ZRANB3: variants seen among roughly 807,000 people sequenced by gnomAD.
The protein encoded by ZRANB3 is DNA annealing helicase and endonuclease ZRANB3.
In ZRANB3, 125 loss-of-function variants were observed where a neutral mutation model predicts 133.8. The observed-to-expected ratio is 0.93, with a 90% CI of 0.81 to 1.08. The LOEUF is 1.08. Ranked by LOEUF, ZRANB3 falls within the 50% of genes least tolerant of loss-of-function variation. The pLI, the probability that ZRANB3 is intolerant of heterozygous loss-of-function variation, is 0.00. For missense variants in ZRANB3, 1,229 were observed against 1,275.5 expected, an observed-to-expected ratio of 0.96 and a Z score of 0.56; for synonymous variants, 387 against 432.7, an observed-to-expected ratio of 0.89 and a Z score of 1.31.
At chr2:135,335,824 T>C (rs1161872171) in intron 6 of ZRANB3, among the ~76,000 whole-genome samples, 2 of 152,176 alleles carry the variant, frequency 1.3e-5, no homozygotes, top group African/African-American at 2.4e-5. Flanking sequence ...GGGTTATCTA[T>C]GTGTTCTCTT....
intron 2 of ZRANB3, among the ~76,000 whole-genome samples, chr2:135,468,592 A>G (rs116617811): frequency 6.6e-6 from 1 of 152,356 alleles, no homozygotes; most frequent in African/African-American, 2.4e-5. Flanking sequence ...TGGCCAATAT[A>G]TAGCCACTCA....
intron 6 of ZRANB3, among the ~76,000 whole-genome samples, chr2:135,315,949 T>A (rs1199038614): frequency 6.6e-6 from 1 of 152,152 alleles, no homozygotes; most frequent in African/African-American, 2.4e-5. Context: ...CCCAGAACAT[T>A]TTCTGTGCCC....
rs1190794872 is a variant in ZRANB3, at chr2:135,267,673, T to G, written c.1386+1289A>C. Among the ~76,000 whole-genome samples the G allele has an allele frequency of 3.9e-5, 6 of 152,238 alleles. No homozygotes were observed. The South Asian group carries it at 1.2e-3, about 31-fold the overall frequency. On this transcript the variant is annotated intron_variant, in intron 11 of 20. Coordinates refer to ENST00000264159, the MANE Select transcript of ZRANB3 (RefSeq NM_032143.4). ...ACTGGAGAAGTTATACTATTCACTT[T>G]CTTCATAAAAACTTTTATTCTAATA...
chr2:135,364,006 A>G (rs575038383), intron 3 of ZRANB3, among the ~76,000 whole-genome samples: 1 of 152,118 alleles, frequency 6.6e-6, no homozygotes, highest in Non-Finnish European at 1.5e-5. Flanking sequence ...AGGCCAGGAC[A>G]CTGCACTTCA....
At chr2:135,448,519 C>G (rs1427720795) in intron 2 of ZRANB3, among the ~76,000 whole-genome samples, 2 of 152,102 alleles carry the variant, frequency 1.3e-5, no homozygotes, top group African/African-American at 2.4e-5. Flanking sequence ...CAATCACATG[C>G]AAAACACAAG....
At chr2:135,343,652 A>G (rs1684797253) in intron 6 of ZRANB3, among the ~76,000 whole-genome samples, 1 of 150,078 alleles carries the variant, frequency 6.7e-6, no homozygotes, top group South Asian at 2.1e-4. Flanking sequence ...TAAAGAGATT[A>G]TTTTTGTAAT....
chr2:135,379,362 C>T (rs987573408), intron 3 of ZRANB3, among the ~76,000 whole-genome samples: 2 of 152,096 alleles, frequency 1.3e-5, no homozygotes, highest in African/African-American at 4.8e-5. Context: ...CTATGTCTTC[C>T]AAATTCTTCT....
intron 2 of ZRANB3, among the ~76,000 whole-genome samples, chr2:135,465,757 G>T (rs988125068): frequency 2.6e-5 from 4 of 151,994 alleles, no homozygotes; most frequent in African/African-American, 9.7e-5. Context: ...GAAAATTTTC[G>T]CAATCTATCC....
chr2:135,370,662 C>A (rs557068056), intron 3 of ZRANB3, among the ~76,000 whole-genome samples: 2 of 152,124 alleles, frequency 1.3e-5, no homozygotes, highest in Admixed American at 6.6e-5. Flanking sequence ...GTATTGATAA[C>A]CATCCCTAGC....
chr2:135,231,057 T>G, intron 12 of ZRANB3, 130 bp from the exon 13 acceptor site: 1 of 700,242 alleles, frequency 1.4e-6, no homozygotes, highest in Non-Finnish European at 2.1e-6. Flanking sequence ...GGAAATGAAT[T>G]CATTATGCTC....
chr2:135,383,049 C>A (rs899744864), intron 3 of ZRANB3, among the ~76,000 whole-genome samples: 2 of 151,986 alleles, frequency 1.3e-5, no homozygotes, highest in Non-Finnish European at 1.5e-5. Context: ...GACAAACTGG[C>A]AAATTGGATA....
Position 135,528,275 on chromosome 2 carries a change from T to C in ZRANB3, c.-8+2852A>G, listed in dbSNP as rs549629046. Among the ~76,000 whole-genome samples, 529 of 152,138 alleles carry C rather than the reference T, an allele frequency of 3.5e-3. 2 individuals carry two copies. Among genetic ancestry groups the C allele is most frequent in the Non-Finnish European group, 5.1e-3 (348 of 67,968 alleles). ...GCGATTCCCTCACCTCAGCCTCCTG[T>C]GTAGCTGGACCACAGTTGTGCACCA... On this transcript the variant is annotated intron_variant, in intron 1 of 20. Coordinates refer to ENST00000264159, the MANE Select transcript of ZRANB3 (RefSeq NM_032143.4).
chr2:135,482,024 T>C (rs1485750436), intron 2 of ZRANB3, among the ~76,000 whole-genome samples: 2 of 136,998 alleles, frequency 1.5e-5, no homozygotes, highest in South Asian at 2.4e-4. Context: ...TGTAGCCTTG[T>C]AGTATAGTTT....
intron 12 of ZRANB3, among the ~76,000 whole-genome samples, chr2:135,235,592 A>G (rs998121067): frequency 4.2e-4 from 64 of 151,930 alleles, no homozygotes; most frequent in South Asian, 8.4e-4. Context: ...ATCCACCATG[A>G]TCAAGTGGGC....
chr2:135,480,267 C>T (rs1222552459), intron 2 of ZRANB3, among the ~76,000 whole-genome samples: 1 of 152,042 alleles, frequency 6.6e-6, no homozygotes, highest in African/African-American at 2.4e-5. Context: ...ATTACCCTTA[C>T]CCTGTTAGGC....
intron 9 of ZRANB3, among the ~76,000 whole-genome samples, chr2:135,275,374 G>A (rs1473277984): frequency 6.6e-6 from 1 of 151,824 alleles, no homozygotes; most frequent in African/African-American, 2.4e-5. Context: ...AGATGGGGCG[G>A]CTGGCATGGC....
rs150873971 is a variant in ZRANB3 at position 135,403,095 on chromosome 2, G to A, written c.162-12275C>T. Among the ~76,000 whole-genome samples, 1,131 of 152,148 alleles carry A rather than the reference G, an allele frequency of 7.4e-3. 12 individuals are homozygous for A. The highest frequency in any genetic ancestry group is 0.026 in the African/African-American group (1,068 of 41,492). On this transcript the variant is annotated intron_variant, in intron 2 of 20. Coordinates refer to ENST00000264159, the MANE Select transcript of ZRANB3 (RefSeq NM_032143.4). Reference sequence around the variant, plus strand: ...AAGGCTCATCTCACTGGGGAGTGTCGGAAAGTGGGTGCAGGACAGTAGGTG... The same window carrying A: ...AAGGCTCATCTCACTGGGGAGTGTCAGAAAGTGGGTGCAGGACAGTAGGTG...
intron 1 of ZRANB3, among the ~76,000 whole-genome samples, chr2:135,520,126 G>A (rs549356024): frequency 2.0e-5 from 3 of 147,818 alleles, no homozygotes; most frequent in South Asian, 4.2e-4. Flanking sequence ...GCTCATGCCT[G>A]TAATCCCAGC....
chr2:135,308,872 C>T (rs1682832992), intron 8 of ZRANB3, among the ~76,000 whole-genome samples: 1 of 151,614 alleles, frequency 6.6e-6, no homozygotes, highest in South Asian at 2.1e-4. Flanking sequence ...CCTTCTCCGC[C>T]AAAGGAAAAA....
Sources: gnomAD v4.1 joint callset for allele counts (sites outside exome capture counted in the v4.1 genomes callset) on GRCh38, gnomAD v4.1.1 for gene constraint, MANE v1.5 for transcripts, NCBI Gene and HGNC (gene_info 2026-07-23, HGNC 2026-07-21) for gene names.